The following EXOC6 variants were observed in gnomAD, a reference collection of about 807,000 sequenced individuals.
The protein encoded by EXOC6 is exocyst complex component 6.
Under a neutral mutation model 112.5 loss-of-function variants are expected in EXOC6, and 60 were observed. The observed-to-expected ratio is 0.53, with a 90% confidence interval of 0.43 to 0.66. EXOC6 has a LOEUF of 0.66. Among genes scored for constraint, EXOC6 ranks in the 30% least tolerant of loss-of-function variants. EXOC6 has a pLI of 0.00. For synonymous variants in EXOC6, 295 were observed against 308.0 expected (o/e 0.96, Z 0.44); for missense variants, 855 against 957.1 (o/e 0.89, Z 1.41).
chr10:92,877,396 C>A (rs1848728623), intron 1 of EXOC6, among the ~76,000 whole-genome samples: 1 of 151,950 alleles, frequency 6.6e-6, no homozygotes, highest in Admixed American at 6.6e-5. Flanking sequence ...TTGAATAAAT[C>A]CCTTAACTTC....
At chr10:92,836,917 CTTCT>C (rs1846676908) in intron 1 of EXOC6, among the ~76,000 whole-genome samples, 1 of 152,124 alleles carries the variant, frequency 6.6e-6, no homozygotes, top group African/African-American at 2.4e-5. Flanking sequence ...ATTATTCGCT[CTTCT>C]TTCTGCCTGC....
chr10:92,955,368 T>TGG (rs1342871106), intron 16 of EXOC6, among the ~76,000 whole-genome samples: 1 of 149,142 alleles, frequency 6.7e-6, no homozygotes, highest in African/African-American at 2.6e-5. Context: ...TTTAGACTCT[T>TGG]GGTGTGTGTG....
At chr10:92,923,872 C>G (rs1412759566) in intron 8 of EXOC6, among the ~76,000 whole-genome samples, 2 of 152,186 alleles carry the variant, frequency 1.3e-5, no homozygotes, top group Admixed American at 1.3e-4. Flanking sequence ...TTCACTGATA[C>G]TCAGTACTAC....
intron 11 of EXOC6, among the ~76,000 whole-genome samples, chr10:92,935,130 T>C (rs1314017772): frequency 6.6e-6 from 1 of 151,996 alleles, no homozygotes; most frequent in Non-Finnish European, 1.5e-5. Context: ...TTATGTGATA[T>C]TAAGATTATA....
chr10:92,921,372 G>A (rs994046399), intron 8 of EXOC6, among the ~76,000 whole-genome samples: 1 of 149,914 alleles, frequency 6.7e-6, no homozygotes, highest in Admixed American at 6.7e-5. Flanking sequence ...AGCCTCCCAA[G>A]TAGCTGGGTT....
intron 6 of EXOC6, among the ~76,000 whole-genome samples, chr10:92,914,720 C>T (rs1850987721): frequency 6.6e-6 from 1 of 152,130 alleles, no homozygotes; most frequent in South Asian, 2.1e-4. Flanking sequence ...CTTGCATGGT[C>T]TGATAACCTA....
chr10:92,885,570 C>T (rs1219413455), intron 1 of EXOC6, among the ~76,000 whole-genome samples: 3 of 151,804 alleles, frequency 2.0e-5, no homozygotes, highest in African/African-American at 7.3e-5. Flanking sequence ...GTAGAGACAG[C>T]GTTTCACCAT....
chr10:92,903,554 A>AT (rs1850290843), intron 5 of EXOC6, among the ~76,000 whole-genome samples: 1 of 152,014 alleles, frequency 6.6e-6, no homozygotes, highest in Admixed American at 6.6e-5. Flanking sequence ...TCTAAGTGTC[A>AT]TAAGTGCCTT....
intron 1 of EXOC6, among the ~76,000 whole-genome samples, chr10:92,891,134 G>T (rs1286260153): frequency 6.6e-6 from 1 of 152,194 alleles, no homozygotes; most frequent in East Asian, 1.9e-4. Context: ...AACTAGAAAA[G>T]TGGGGTTTAC....
At chr10:92,884,943 CA>C (rs1001555906) in intron 1 of EXOC6, among the ~76,000 whole-genome samples, 32 of 151,928 alleles carry the variant, frequency 2.1e-4, no homozygotes, top group Non-Finnish European at 4.1e-4. Flanking sequence ...AGCATCTTTC[CA>C]AAAAATTCAA....
intron 12 of EXOC6, among the ~76,000 whole-genome samples, chr10:92,939,166 C>T (rs77639328): frequency 6.6e-6 from 1 of 151,914 alleles, no homozygotes; most frequent in Non-Finnish European, 1.5e-5. Flanking sequence ...AGTTTTTAGG[C>T]AGGGGAATGG....
At chr10:92,925,026 T>A (rs1005210722) in intron 8 of EXOC6, among the ~76,000 whole-genome samples, 3 of 152,266 alleles carry the variant, frequency 2.0e-5, no homozygotes, top group African/African-American at 7.2e-5. Context: ...CCCTGATTTT[T>A]ATACTTGGTT....
chr10:92,927,722 G>A (rs183392909), intron 8 of EXOC6, among the ~76,000 whole-genome samples: 1 of 152,248 alleles, frequency 6.6e-6, no homozygotes, highest in African/African-American at 2.4e-5. Flanking sequence ...TGATAGGGAA[G>A]TACAGGTTGC....
chr10:92,912,899 T>A (rs561402963), intron 6 of EXOC6, among the ~76,000 whole-genome samples: 1 of 152,268 alleles, frequency 6.6e-6, no homozygotes, highest in Non-Finnish European at 1.5e-5. Context: ...TATAGGCTCT[T>A]CACAAGGGTT....
intron 17 of EXOC6, among the ~76,000 whole-genome samples, chr10:92,961,517 G>GT (rs1264579797): frequency 6.6e-6 from 1 of 152,096 alleles, no homozygotes; most frequent in Non-Finnish European, 1.5e-5. Flanking sequence ...ATATGGGATA[G>GT]AATAAGTAAT....
At chr10:93,013,166 A>G (rs1395170711) in intron 19 of EXOC6, among the ~76,000 whole-genome samples, 1 of 152,184 alleles carries the variant, frequency 6.6e-6, no homozygotes, top group Non-Finnish European at 1.5e-5. Context: ...TAAAATAACT[A>G]ATATTGGAAT....
chr10:92,831,348 T>C (rs1478962482), upstream of EXOC6: 6 of 1,288,622 alleles, frequency 4.7e-6, no homozygotes, highest in Non-Finnish European at 6.1e-6. Context: ...AGCGGGGTCA[T>C]GCAGTGACAG....
At chr10:92,876,885 A>C (rs138191504) in intron 1 of EXOC6, among the ~76,000 whole-genome samples, 1 of 152,154 alleles carries the variant, frequency 6.6e-6, no homozygotes, top group African/African-American at 2.4e-5. Flanking sequence ...ATCCTTTCCT[A>C]CTTTCCCTTT....
intron 20 of EXOC6, among the ~76,000 whole-genome samples, chr10:93,017,808 G>A (rs1440565210): frequency 6.6e-6 from 1 of 151,648 alleles, no homozygotes; most frequent in Non-Finnish European, 1.5e-5. Flanking sequence ...TCAGAAGGTC[G>A]AGACCGTCCT....
Sources: gnomAD v4.1 joint callset for allele counts (sites outside exome capture counted in the v4.1 genomes callset) on GRCh38, gnomAD v4.1.1 for gene constraint, MANE v1.5 for transcripts, NCBI Gene and HGNC (gene_info 2026-07-23, HGNC 2026-07-21) for gene names.